Variants in XPA observed in about 807,000 individuals in gnomAD.
XPA encodes the protein XPA, DNA damage recognition and repair factor, also known as DNA repair protein complementing XP-A cells.
Under a neutral mutation model 35.7 loss-of-function variants are expected in XPA, and 27 were observed. The ratio of observed to expected loss-of-function variants is 0.76; its 90% CI spans 0.56 to 1.04. The LOEUF is 1.04. Ranked by LOEUF, XPA falls within the 50% of genes least tolerant of loss-of-function variation. The pLI, the probability that XPA is intolerant of heterozygous loss-of-function variation, is 0.00. For missense variants in XPA, 354 were observed against 342.7 expected (o/e 1.03, Z -0.26); for synonymous variants, 133 against 118.4 (o/e 1.12, Z -0.80).
rs560767411 is a variant in XPA, at chr9:97,693,763, C to T, written c.173-4G>A. On this transcript the variant is annotated splice_region_variant and splice_polypyrimidine_tract_variant and intron_variant, in intron 1 of 5. Coordinates refer to ENST00000375128, the MANE Select transcript of XPA (RefSeq NM_000380.4). ...GCTGCTTTTACATTAGCCATGCCTA[C>T]AAAAGTAAGTAAAAGCAGTCAACAA... 2.5e-6 allele frequency: 4 copies of T among 1,612,002 alleles called. No individual in the cohort carries two copies. The highest frequency in any genetic ancestry group is 4.5e-5 in the East Asian group (2 of 44,802).
intron 3 of XPA, among the ~76,000 whole-genome samples, chr9:97,688,914 A>G (rs3176670): frequency 0.12 from 17,956 of 152,200 alleles, 3,012 homozygotes; most frequent in African/African-American, 0.37. Flanking sequence ...TTCCAAGATA[A>G]GACCTTCAAT....
In XPA at chr9:97,685,057, A is replaced by G. The variant is rs202058380; in HGVS notation, c.556-17T>C. ...CTTCACAATCTACAACACAAAATCCATATTTAAATAAGTTGTGATTCAGAC... is the reference window on the plus strand; with the variant it reads ...CTTCACAATCTACAACACAAAATCCGTATTTAAATAAGTTGTGATTCAGAC... On this transcript the variant is annotated splice_polypyrimidine_tract_variant and intron_variant, in intron 4 of 5. Coordinates refer to ENST00000375128, the MANE Select transcript of XPA (RefSeq NM_000380.4). 86 of 1,603,540 alleles carry G rather than the reference A, an allele frequency of 5.4e-5. No homozygotes were observed. The highest frequency in any genetic ancestry group is 6.7e-5 in the Non-Finnish European group (78 of 1,171,186).
the XPA span, chr9:97,666,998 GA>G: frequency 1.4e-6 from 1 of 726,624 alleles, no homozygotes; most frequent in Non-Finnish European, 2.1e-6. Flanking sequence ...ATGCAGAGCA[GA>G]AATTTTTCTG....
chr9:97,668,715 T>TG, the XPA span: 46 of 906,252 alleles, frequency 5.1e-5, no homozygotes, highest in Admixed American at 6.9e-5. Flanking sequence ...GGTGGCGGGG[T>TG]GGGGGGGTAC....
the XPA span, among the ~76,000 whole-genome samples, chr9:97,656,279 A>G: frequency 6.6e-6 from 1 of 152,210 alleles, no homozygotes; most frequent in Non-Finnish European, 1.5e-5. Flanking sequence ...TAAGCCAATA[A>G]GTTCTTTTAA....
chr9:97,679,868 TCA>T (rs1491291622), intron 5 of XPA, among the ~76,000 whole-genome samples: 1 of 152,164 alleles, frequency 6.6e-6, no homozygotes, highest in East Asian at 1.9e-4. Flanking sequence ...TGATAAATGC[TCA>T]AACACATCAC....
At chr9:97,669,293 T>C in the XPA span, among the ~76,000 whole-genome samples, 1 of 152,222 alleles carries the variant, frequency 6.6e-6, no homozygotes, top group Non-Finnish European at 1.5e-5. Context: ...AACATTTTAA[T>C]GCATAGATTC....
At chr9:97,676,060 T>A (rs1202360294) in intron 5 of XPA, 3 of 176,392 alleles carry the variant, frequency 1.7e-5, no homozygotes, top group Non-Finnish European at 3.7e-5. Flanking sequence ...AGTAGAGAAC[T>A]CTACCACTAT....
the XPA span, among the ~76,000 whole-genome samples, chr9:97,667,759 T>A: frequency 1.3e-5 from 2 of 152,230 alleles, no homozygotes; most frequent in Non-Finnish European, 2.9e-5. Context: ...AAATACAATT[T>A]AACATTCAGT....
At chr9:97,679,043 G>GA (rs1481410446) in intron 5 of XPA, among the ~76,000 whole-genome samples, 2 of 152,132 alleles carry the variant, frequency 1.3e-5, no homozygotes, top group African/African-American at 4.8e-5. Flanking sequence ...TTCTAGAAAG[G>GA]AATTACTAAA....
intron 2 of XPA, among the ~76,000 whole-genome samples, chr9:97,691,218 GCTT>G: frequency 6.6e-6 from 1 of 152,310 alleles, no homozygotes; most frequent in Non-Finnish European, 1.5e-5. Flanking sequence ...AAAGCAAATA[GCTT>G]CTTCAACTGT....
At chr9:97,679,541 G>A (rs1036841530) in intron 5 of XPA, among the ~76,000 whole-genome samples, 1 of 148,640 alleles carries the variant, frequency 6.7e-6, no homozygotes, top group Non-Finnish European at 1.5e-5. Context: ...AATCAGTCCA[G>A]CTGATGCTTA....
Position 97,687,184 on chromosome 9 carries a change from T to C in XPA, c.467A>G (p.Glu156Gly). The C allele has an allele frequency of 6.2e-7, 1 of 1,612,556 alleles. No homozygotes were observed. The highest frequency in any genetic ancestry group is 8.5e-7 in the Non-Finnish European group (1 of 1,179,582). The change falls in exon 4 of 6, where the codon GAA becomes GGA. Residue 156 changes from glutamate (E) to glycine (G), a missense_variant. Glu to Gly is a moderately conservative substitution (Grantham distance 98, BLOSUM62 -2). Coordinates refer to ENST00000375128, the MANE Select transcript of XPA (RefSeq NM_000380.4). Reference sequence around the variant, plus strand: ...AAATTTAAGAGGTGGCTCTCTTTTTTCTAAATCACAGTCTTTCAGAAGATA... The same window carrying C: ...AAATTTAAGAGGTGGCTCTCTTTTTCCTAAATCACAGTCTTTCAGAAGATA... ...QEYLLKDCDLEKREPPLKFIV... is the reference protein window; with the variant it reads ...QEYLLKDCDLGKREPPLKFIV...
chr9:97,671,894 TAA>T (rs1716356280), downstream of XPA: 1 of 152,204 alleles, frequency 6.6e-6, no homozygotes, highest in Non-Finnish European at 1.5e-5. Flanking sequence ...CAGTAATCCT[TAA>T]AGTTTCCCCA....
chr9:97,656,002 C>T, the XPA span: 6 of 1,611,446 alleles, frequency 3.7e-6, no homozygotes, highest in Non-Finnish European at 5.1e-6. Context: ...AACTACATTT[C>T]CTCCTTAGGT....
intron 2 of XPA, among the ~76,000 whole-genome samples, chr9:97,691,371 A>C (rs1828882185): frequency 6.6e-6 from 1 of 152,220 alleles, no homozygotes; most frequent in African/African-American, 2.4e-5. Flanking sequence ...TAAGGAACTT[A>C]ATCCTGTAAG....
chr9:97,669,120 A>G, the XPA span: 14 of 949,840 alleles, frequency 1.5e-5, no homozygotes, highest in South Asian at 2.7e-4. Context: ...GAAGGAAATA[A>G]AAGTTCACTA....
downstream of XPA, chr9:97,672,079 T>C (rs1828209218): frequency 2.6e-5 from 4 of 152,258 alleles, no homozygotes; most frequent in Admixed American, 2.6e-4. Context: ...ATTTTGTTTA[T>C]ATGGAACCTG....
At chr9:97,664,514 C>T in the XPA span, 1 of 1,029,986 alleles carries the variant, frequency 9.7e-7, no homozygotes, top group Non-Finnish European at 1.5e-6. Flanking sequence ...TATACATAAG[C>T]TTCAAATTCT....
Sources: gnomAD v4.1 joint callset for allele counts (sites outside exome capture counted in the v4.1 genomes callset) on GRCh38, gnomAD v4.1.1 for gene constraint, MANE v1.5 for transcripts, NCBI Gene and HGNC (gene_info 2026-07-23, HGNC 2026-07-21) for gene names.